The following NAGLU variants were observed in gnomAD, a reference collection of about 807,000 sequenced individuals.
NAGLU encodes alpha-N-acetylglucosaminidase.
NAGLU carries 34 observed loss-of-function variants against 43.4 expected under a neutral mutation model. The observed-to-expected ratio is 0.78, with a 90% CI of 0.60 to 1.04. NAGLU has a LOEUF of 1.04. Among genes scored for constraint, NAGLU ranks in the 50% least tolerant of loss-of-function variants. NAGLU has a pLI of 0.00. For synonymous variants in NAGLU, 425 were observed against 437.6 expected (o/e 0.97, Z 0.36); for missense variants, 910 against 993.7 (o/e 0.92, Z 1.13).
chr17:42,538,333 C>T lies in NAGLU; in HGVS notation c.532-6C>T. 5.0e-6 allele frequency: 8 copies of T among 1,614,250 alleles called. No individual in the cohort carries two copies. The highest frequency in any genetic ancestry group is 6.8e-6 in the Non-Finnish European group (8 of 1,180,042). ...ATATTTCTATGTGTGGGCCCTTCTT[C>T]CTCAGGTGTACCTGGCCTTGGGCCT... On this transcript the variant is annotated splice_region_variant and splice_polypyrimidine_tract_variant and intron_variant, in intron 2 of 5. Coordinates refer to ENST00000225927, the MANE Select transcript of NAGLU (RefSeq NM_000263.4).
At position 42,538,424 on chromosome 17, in the gene NAGLU, A is replaced by C. The variant is rs1291552393; in HGVS notation, c.617A>C (p.Asn206Thr). The C allele has an allele frequency of 6.2e-7, 1 of 1,614,080 alleles. No individual in the cohort carries two copies. The highest frequency in any genetic ancestry group is 1.1e-5 in the South Asian group (1 of 91,092). Residue 206 changes from asparagine (N) to threonine (T), a missense_variant, in exon 3 of 6, where the codon AAC (asparagine) becomes ACC (threonine). Asn to Thr is a moderately conservative substitution (Grantham distance 65). Transcript: ENST00000225927. ...TTCCTGGCCTGGGGGCGAATGGGCAACCTGCACACCTGGGATGGCCCCCTG... is the reference window on the plus strand; with the variant it reads ...TTCCTGGCCTGGGGGCGAATGGGCACCCTGCACACCTGGGATGGCCCCCTG... ...PAFLAWGRMG[N>T]LHTWDGPLPP...
chr17:42,543,700 G>C lies in NAGLU; in HGVS notation c.1694G>C (p.Arg565Pro), dbSNP rs104894598. The part of the protein sequence containing the change: ...AFRYDLLDLT[R>P]QAVQELVSLY... The stretch of plus-strand genomic sequence containing the variant: ...CGCTACGACCTGCTGGACCTCACTC[G>C]GCAGGCAGTGCAGGAGCTGGTCAGC... Residue 565 changes from arginine to proline, a missense_variant, in exon 6 of 6, where the codon CGG (arginine) becomes CCG (proline). By Grantham distance (103) the Arg-to-Pro change is moderately radical. Transcript: ENST00000225927. 1.2e-6 allele frequency: 2 copies of C among 1,612,526 alleles called. No individual in the cohort carries two copies. The highest frequency in any genetic ancestry group is 4.5e-5 in the East Asian group (2 of 44,886).
chr17:42,536,318 G>A lies in NAGLU; in HGVS notation c.46G>A (p.Ala16Thr). 1 of 1,217,668 alleles carries A rather than the reference G, an allele frequency of 8.2e-7. No homozygotes were observed. Among genetic ancestry groups the A allele is most frequent in the Non-Finnish European group, 1.0e-6 (1 of 979,360 alleles). 75.4% of individuals were successfully genotyped at this position (1,217,668 alleles called of 1,614,324 possible). Residue 16 changes from alanine to threonine, a missense_variant, in exon 1 of 6, where the codon GCC becomes ACC. Ala to Thr is a moderately conservative substitution (Grantham distance 58). Coordinates refer to ENST00000225927, the MANE Select transcript of NAGLU (RefSeq NM_000263.4). Reference protein sequence around the residue: ...VAAAVGVLLLAGAGGAAGDEA... With the variant: ...VAAAVGVLLLTGAGGAAGDEA... ...CGCGGCGGTGGGGGTCCTTCTCCTG[G>A]CCGGGGCCGGGGGCGCGGCAGGCGA...
At chr17:42,538,609 T>C in intron 3 of NAGLU, 61 bp from the exon 4 acceptor site, 2 of 1,612,302 alleles carry the variant, frequency 1.2e-6, no homozygotes, top group East Asian at 2.2e-5. Context: ...TCCTGGGAGA[T>C]GAGGGCCTTC....
In NAGLU at chr17:42,540,945, A is replaced by T. The variant is rs556600437; in HGVS notation, c.765-5A>T. 1.9e-6 allele frequency: 3 copies of T among 1,614,052 alleles called. No homozygotes were observed. The highest frequency in any genetic ancestry group is 2.5e-6 in the Non-Finnish European group (3 of 1,180,036). On this transcript the variant is annotated splice_polypyrimidine_tract_variant and splice_region_variant and intron_variant, in intron 4 of 5. Coordinates refer to ENST00000225927, the MANE Select transcript of NAGLU (RefSeq NM_000263.4). ...TGAAATATCTGAGCTTTTGCTCCCC[A>T]CTAGGGTGTTCCCTCAGGTCAATGT...
intron 4 of NAGLU, 109 bp downstream of exon 4, chr17:42,538,864 G>A: frequency 3.8e-6 from 5 of 1,311,524 alleles, no homozygotes; most frequent in Non-Finnish European, 5.3e-6. Flanking sequence ...GCTCACGCCT[G>A]TAATCCCAGC....
chr17:42,540,845 G>A (rs1308468456), intron 4 of NAGLU, 105 bp from the exon 5 acceptor site: 21 of 1,533,558 alleles, frequency 1.4e-5, no homozygotes, highest in Non-Finnish European at 1.9e-5. Flanking sequence ...AAGCCATAGA[G>A]GCAAGAGAAA....
chr17:42,543,264 C>G lies in NAGLU; in HGVS notation c.1258C>G (p.Leu420Val). ...GGGAAACCATGGTCTTTTTGGAGCCCTAGAGGCTGTGAACGGAGGCCCAGA... is the reference window on the plus strand; with the variant it reads ...GGGAAACCATGGTCTTTTTGGAGCCGTAGAGGCTGTGAACGGAGGCCCAGA... Reference protein sequence around the residue: ...FGGNHGLFGALEAVNGGPEAA... With the variant: ...FGGNHGLFGAVEAVNGGPEAA... The change falls in exon 6 of 6, where the codon CTA (leucine) becomes GTA (valine). Residue 420 changes from leucine to valine, a missense_variant. Coordinates refer to ENST00000225927, the MANE Select transcript of NAGLU (RefSeq NM_000263.4). 1 of 1,614,148 alleles carries G rather than the reference C, an allele frequency of 6.2e-7. No homozygotes were observed. Among genetic ancestry groups the G allele is most frequent in the Non-Finnish European group, 8.5e-7 (1 of 1,180,054 alleles).
In NAGLU at chr17:42,538,675, G is replaced by A; in HGVS notation, c.684G>A (p.Arg228=). 13 of 1,613,982 alleles carry A rather than the reference G, an allele frequency of 8.1e-6. No homozygotes were observed. The highest frequency in any genetic ancestry group is 1.1e-5 in the Non-Finnish European group (13 of 1,180,026). The change falls in exon 4 of 6, where the codon CGG becomes CGA. Residue 228 remains arginine, a synonymous_variant. Transcript: ENST00000225927. The part of the protein sequence containing the change: ...WHIKQLYLQH[R]VLDQMRSFGM... ...CCTTCCTTCTGTTCCTCCAGCACCGGGTCCTGGACCAGATGCGCTCCTTCG... is the reference window on the plus strand; with the variant it reads ...CCTTCCTTCTGTTCCTCCAGCACCGAGTCCTGGACCAGATGCGCTCCTTCG...
rs570427849 is a variant in NAGLU, at chr17:42,537,386, C to T, written c.384-12C>T. ...GGGTGGGATGCGCCCCTGCTCATGA[C>T]ACTGCCCGCAGGTACCGCTATTACC... On this transcript the variant is annotated splice_polypyrimidine_tract_variant and intron_variant, in intron 1 of 5. Coordinates refer to ENST00000225927, the MANE Select transcript of NAGLU (RefSeq NM_000263.4). 3 of 1,613,980 alleles carry T rather than the reference C, an allele frequency of 1.9e-6. No individual in the cohort carries two copies. The highest frequency in any genetic ancestry group is 2.5e-6 in the Non-Finnish European group (3 of 1,179,936).
chr17:42,543,979 A>G lies in NAGLU; in HGVS notation c.1973A>G (p.Tyr658Cys), dbSNP rs1230894568. The change falls in exon 6 of 6, where the codon TAT becomes TGT. Residue 658 changes from tyrosine (Y) to cysteine (C), a missense_variant. By Grantham distance (194) the Tyr-to-Cys change is radical. Coordinates refer to ENST00000225927, the MANE Select transcript of NAGLU (RefSeq NM_000263.4). The stretch of plus-strand genomic sequence containing the variant: ...GGGCCAGAAGGCAACATCCTGGACT[A>G]TGCCAACAAGCAGCTGGCGGGGTTG... ...LWGPEGNILD[Y>C]ANKQLAGLVA... 2.5e-6 allele frequency: 4 copies of G among 1,611,002 alleles called. No homozygotes were observed. The highest frequency in any genetic ancestry group is 1.1e-5 in the South Asian group (1 of 90,512).
At chr17:42,537,769 A>T (rs2092910835) in intron 2 of NAGLU, among the ~76,000 whole-genome samples, 1 of 151,770 alleles carries the variant, frequency 6.6e-6, no homozygotes, top group Non-Finnish European at 1.5e-5. Flanking sequence ...GGAGTTCAGG[A>T]GATCGAGACC....
chr17:42,540,155 T>C (rs557376056), intron 4 of NAGLU, among the ~76,000 whole-genome samples: 2 of 149,362 alleles, frequency 1.3e-5, no homozygotes, highest in Admixed American at 6.7e-5. Context: ...AAACACCTCA[T>C]GTTCTCACTC....
chr17:42,541,470 C>T (rs898330761), intron 5 of NAGLU, among the ~76,000 whole-genome samples: 1 of 152,196 alleles, frequency 6.6e-6, no homozygotes, highest in Non-Finnish European at 1.5e-5. Context: ...GACCTCCTTC[C>T]CAGTGTCTCG....
At chr17:42,537,309 C>T in intron 1 of NAGLU, 89 bp from the exon 2 acceptor site, 1 of 1,599,250 alleles carries the variant, frequency 6.3e-7, no homozygotes, top group South Asian at 1.1e-5. Context: ...AGCCCCTCCC[C>T]TCTCCTCTAG....
rs2143107686 is a variant in NAGLU at position 42,543,097 on chromosome 17, C to T, written c.1091C>T (p.Ala364Val). The T allele has an allele frequency of 1.9e-6, 3 of 1,612,186 alleles. No homozygotes were observed. Among genetic ancestry groups the T allele is most frequent in the Non-Finnish European group, 1.7e-6 (2 of 1,180,036 alleles). ...CACCAGCCGCAGTTCTGGGGGCCCG[C>T]CCAGATCAGGGCTGTGCTGGGAGCT... Reference protein sequence around the residue: ...FQHQPQFWGPAQIRAVLGAVP... With the variant: ...FQHQPQFWGPVQIRAVLGAVP... Residue 364 changes from alanine (A) to valine (V), a missense_variant, in exon 6 of 6, where the codon GCC becomes GTC. Transcript: ENST00000225927.
chr17:42,541,089 G>A lies in NAGLU; in HGVS notation c.904G>A (p.Glu302Lys). 6.2e-7 allele frequency: 1 copy of A among 1,614,152 alleles called. No homozygotes were observed. The highest frequency in any genetic ancestry group is 1.3e-5 in the African/African-American group (1 of 75,036). The change falls in exon 5 of 6, where the codon GAG becomes AAG. Residue 302 changes from glutamate (E) to lysine (K), a missense_variant. Transcript: ENST00000225927. ...GSLFLRELIK[E>K]FGTDHIYGAD... Reference sequence around the variant, plus strand: ...CCTCTTCCTGCGAGAGCTGATCAAAGAGTTTGGCACAGACCACATCTATGG... The same window carrying A: ...CCTCTTCCTGCGAGAGCTGATCAAAAAGTTTGGCACAGACCACATCTATGG...
In NAGLU at chr17:42,536,256, C is replaced by G. The variant is rs943381354; in HGVS notation, c.-17C>G. The G allele has an allele frequency of 1.4e-5, 17 of 1,217,240 alleles. No individual in the cohort carries two copies. The highest frequency in any genetic ancestry group is 1.3e-4 in the African/African-American group (8 of 63,740). The allele number at this position is 1,217,240 out of a possible 1,614,324, so 75.4% of individuals were successfully genotyped here. The stretch of plus-strand genomic sequence containing the variant: ...GCCCCACCCCCTGGCCGTCGCGGGA[C>G]CCGCAGGACTGAGACCATGGAGGCG... On this transcript the variant is annotated 5_prime_UTR_variant, in exon 1 of 6. Coordinates refer to ENST00000225927, the MANE Select transcript of NAGLU (RefSeq NM_000263.4).
At position 42,536,660 on chromosome 17, in the gene NAGLU, C is replaced by T. The variant is rs762932040; in HGVS notation, c.383+5C>T. On this transcript the variant is annotated splice_donor_5th_base_variant and intron_variant, in intron 1 of 5. Coordinates refer to ENST00000225927, the MANE Select transcript of NAGLU (RefSeq NM_000263.4). The stretch of plus-strand genomic sequence containing the variant: ...GACCGAGGCCACGCCCAACAGGTAC[C>T]GCCCCGAAGCTTCCCCGCGTCCGCC... 6.0e-6 allele frequency: 9 copies of T among 1,491,418 alleles called. No homozygotes were observed. The South Asian group carries it at 8.7e-5, about 14-fold the overall frequency. The allele number at this position is 1,491,418 out of a possible 1,614,324, so 92.4% of individuals were successfully genotyped here.
Sources: allele counts gnomAD v4.1 joint callset (sites outside exome capture counted in the v4.1 genomes callset), GRCh38; gene constraint gnomAD v4.1.1; transcripts MANE v1.5; gene names NCBI Gene and HGNC (gene_info 2026-07-23, HGNC 2026-07-21).